NEK7: variants seen among roughly 807,000 people sequenced by gnomAD.
NEK7 encodes NIMA related kinase 7.
Under a neutral mutation model 44.6 loss-of-function variants are expected in NEK7, and 18 were observed. That is an observed-to-expected ratio of 0.40 (90% CI 0.28 to 0.60). The LOEUF (loss-of-function observed/expected upper bound fraction) is 0.60. Among genes scored for constraint, NEK7 ranks in the 20% least tolerant of loss-of-function variants. The pLI, the probability that NEK7 is intolerant of heterozygous loss-of-function variation, is 0.38. For missense variants in NEK7, 256 were observed against 366.5 expected (o/e 0.70, Z 2.46); for synonymous variants, 130 against 121.1 (o/e 1.07, Z -0.48).
At chr1:198,292,739 G>A (rs1198402611) in intron 7 of NEK7, among the ~76,000 whole-genome samples, 1 of 151,798 alleles carries the variant, frequency 6.6e-6, no homozygotes, top group Non-Finnish European at 1.5e-5. Flanking sequence ...CCACCACATT[G>A]TTTAGTGCAG....
chr1:198,177,771 G>A (rs1454582290), intron 1 of NEK7, among the ~76,000 whole-genome samples: 2 of 151,840 alleles, frequency 1.3e-5, no homozygotes, highest in African/African-American at 2.4e-5. Context: ...GCCAGAAGAA[G>A]GATTTCAGTT....
rs773847675 is a variant in NEK7, at chr1:198,297,247, C to A, written c.798+7C>A. The A allele has an allele frequency of 6.2e-7, 1 of 1,612,248 alleles. No individual in the cohort carries two copies. The highest frequency in any genetic ancestry group is 1.7e-5 in the Admixed American group (1 of 59,762). On this transcript the variant is annotated splice_region_variant and intron_variant, in intron 9 of 9. Transcript: ENST00000367385. ...AGATCACTATTCAGAAGAAGTAAGT[C>A]ATTTTCAGCCCACATGTTCTTCTGT...
chr1:198,304,407 A>T (rs1018681901), intron 9 of NEK7, among the ~76,000 whole-genome samples: 1 of 152,178 alleles, frequency 6.6e-6, no homozygotes, highest in Non-Finnish European at 1.5e-5. Context: ...CCAAAATATA[A>T]TGTACTTTAA....
Position 198,264,185 on chromosome 1 carries a change from A to C in NEK7, c.322A>C (p.Asn108His), listed in dbSNP as rs1441149962. The change falls in exon 5 of 10, where the codon AAC becomes CAC. Residue 108 changes from asparagine to histidine, a missense_variant. Asn to His is a moderately conservative substitution (Grantham distance 68). Around this residue, in one of 3 missense-constraint regions of NEK7, gnomAD observed 102 missense variants for 205.2 expected, o/e 0.50. Transcript: ENST00000367385. ...YASFIEDNEL[N>H]IVLELADAGD... ...ATCATTCATTGAAGATAATGAACTA[A>C]ACATAGTTTTGGAACTAGCAGATGC... 41 of 1,607,328 alleles carry C rather than the reference A, an allele frequency of 2.6e-5. No homozygotes were observed. Among genetic ancestry groups the C allele is most frequent in the Non-Finnish European group, 3.4e-5 (40 of 1,176,838 alleles).
intron 1 of NEK7, among the ~76,000 whole-genome samples, chr1:198,197,104 C>T (rs1000124945): frequency 9.2e-5 from 14 of 152,012 alleles, no homozygotes; most frequent in African/African-American, 2.4e-4. Flanking sequence ...GTACTTGGCC[C>T]GGTACTTGGC....
intron 1 of NEK7, among the ~76,000 whole-genome samples, chr1:198,209,762 A>G (rs951566162): frequency 5.3e-5 from 8 of 151,448 alleles, no homozygotes; most frequent in Non-Finnish European, 1.2e-4. Flanking sequence ...TGGCCTTCCA[A>G]AGTGCCTGGG....
intron 1 of NEK7, among the ~76,000 whole-genome samples, chr1:198,165,739 C>A (rs1664245255): frequency 6.6e-6 from 1 of 152,164 alleles, no homozygotes; most frequent in Non-Finnish European, 1.5e-5. Context: ...GCTGCGTCAG[C>A]CCTTAACCAG....
intron 3 of NEK7, 43 bp from the exon 4 acceptor site, chr1:198,262,532 A>G (rs774708986): frequency 1.7e-6 from 2 of 1,197,534 alleles, no homozygotes. Context: ...AGCTTGAACC[A>G]TAGGTTATTA....
chr1:198,318,862 A>T (rs1025077159), intron 9 of NEK7, among the ~76,000 whole-genome samples: 1 of 152,116 alleles, frequency 6.6e-6, no homozygotes, highest in Non-Finnish European at 1.5e-5. Flanking sequence ...GAGGATTGGA[A>T]TAACACTTAT....
chr1:198,241,029 C>G (rs1266069019), intron 2 of NEK7, among the ~76,000 whole-genome samples: 1 of 152,226 alleles, frequency 6.6e-6, no homozygotes, highest in Admixed American at 6.5e-5. Flanking sequence ...CATGCTATCT[C>G]TGATTACCAT....
At chr1:198,291,660 T>C (rs1009357049) in intron 7 of NEK7, among the ~76,000 whole-genome samples, 1 of 152,146 alleles carries the variant, frequency 6.6e-6, no homozygotes, top group Non-Finnish European at 1.5e-5. Flanking sequence ...TAACGTTTCT[T>C]CATCACTTTC....
Position 198,264,958 on chromosome 1 carries a change from AT to A in NEK7, c.372+725del, listed in dbSNP as rs1166257753. ...AAGAGCTTAGAAGAATGCCTCACAC[AT>A]TGTAAGGCTATGTAAATGTATCTGC... On this transcript the variant is annotated intron_variant, in intron 5 of 9. Transcript: ENST00000367385. Among the ~76,000 whole-genome samples, 8 of 152,148 alleles carry A rather than the reference AT, an allele frequency of 5.3e-5. No individual in the cohort carries two copies. In the South Asian group the frequency reaches 1.5e-3, roughly 28 times the overall value.
chr1:198,231,011 C>A (rs1558068044), intron 1 of NEK7, among the ~76,000 whole-genome samples: 2 of 151,824 alleles, frequency 1.3e-5, no homozygotes, highest in Middle Eastern at 3.4e-3. Context: ...TAATCCCAAT[C>A]AAAATCCCAG....
chr1:198,179,693 A>T (rs181481078), intron 1 of NEK7, among the ~76,000 whole-genome samples: 5 of 152,244 alleles, frequency 3.3e-5, no homozygotes, highest in African/African-American at 1.2e-4. Context: ...ATAGTCTGTG[A>T]AACCCTATCC....
chr1:198,302,475 G>GT (rs1558102483), intron 9 of NEK7, among the ~76,000 whole-genome samples: 1 of 151,258 alleles, frequency 6.6e-6, no homozygotes, highest in African/African-American at 2.4e-5. Flanking sequence ...TCACTCAAAT[G>GT]TTTAAGAATT....
At chr1:198,293,530 G>GGT (rs1327566189) in intron 8 of NEK7, among the ~76,000 whole-genome samples, 1 of 150,328 alleles carries the variant, frequency 6.7e-6, no homozygotes, top group Non-Finnish European at 1.5e-5. Flanking sequence ...AATTTGTATT[G>GGT]GTAAAGCTCA....
intron 1 of NEK7, among the ~76,000 whole-genome samples, chr1:198,231,458 A>C (rs989814648): frequency 6.6e-6 from 1 of 150,882 alleles, no homozygotes; most frequent in African/African-American, 2.4e-5. Context: ...AAAAACAAAG[A>C]TTGACTTTGC....
intron 1 of NEK7, among the ~76,000 whole-genome samples, chr1:198,185,745 C>T (rs1354829271): frequency 1.3e-5 from 2 of 151,926 alleles, no homozygotes; most frequent in Non-Finnish European, 2.9e-5. Flanking sequence ...AAAATTGGGG[C>T]AAGGAGTGCT....
chr1:198,220,247 A>G (rs1490267036), intron 1 of NEK7, among the ~76,000 whole-genome samples: 2 of 152,030 alleles, frequency 1.3e-5, no homozygotes, highest in Non-Finnish European at 2.9e-5. Flanking sequence ...TCTTTTTGAC[A>G]TGTCCACATT....
Sources: allele counts gnomAD v4.1 joint callset (sites outside exome capture counted in the v4.1 genomes callset), GRCh38; gene constraint gnomAD v4.1.1; regional missense constraint gnomAD v4.1.1; transcripts MANE v1.5; gene names NCBI Gene and HGNC (gene_info 2026-07-23, HGNC 2026-07-21).